REV1: variants seen among roughly 807,000 people sequenced by gnomAD.
The protein encoded by REV1 is REV1 DNA directed polymerase, also known as translesion synthesis protein REV1.
A neutral mutation model predicts 137.4 loss-of-function variants in REV1; 42 were observed. The observed-to-expected ratio is 0.31, with a 90% CI of 0.24 to 0.40. The LOEUF is 0.40. Ranked by LOEUF, REV1 falls within the 10% of genes least tolerant of loss-of-function variation. The pLI, the probability that REV1 is intolerant of heterozygous loss-of-function variation, is 1.00. For missense variants in REV1, 1,282 were observed against 1,490.1 expected (o/e 0.86, Z 2.30); for synonymous variants, 524 against 519.2 (o/e 1.01, Z -0.12).
At chr2:99,435,744 T>G in intron 7 of REV1, 90 bp downstream of exon 7, 1 of 673,238 alleles carries the variant, frequency 1.5e-6, no homozygotes, top group East Asian at 3.3e-5. Flanking sequence ...AGGAAAATCA[T>G]AATTTTTTAA....
At chr2:99,454,287 C>T (rs1399954273) in intron 3 of REV1, among the ~76,000 whole-genome samples, 1 of 152,016 alleles carries the variant, frequency 6.6e-6, no homozygotes, top group Admixed American at 6.6e-5. Flanking sequence ...CGGTGGGTCA[C>T]ACCTGTAATC....
At chr2:99,449,092 G>A (rs1682600150) in intron 4 of REV1, among the ~76,000 whole-genome samples, 1 of 152,020 alleles carries the variant, frequency 6.6e-6, no homozygotes, top group African/African-American at 2.4e-5. Context: ...TCGGCAACAT[G>A]GTGAAACCCA....
At chr2:99,457,992 T>C (rs1369947611) in intron 3 of REV1, among the ~76,000 whole-genome samples, 1 of 151,682 alleles carries the variant, frequency 6.6e-6, no homozygotes, top group Non-Finnish European at 1.5e-5. Flanking sequence ...ATGTAAAACA[T>C]AAAACTATAA....
At chr2:99,445,206 G>GT (rs1682045784) in intron 4 of REV1, among the ~76,000 whole-genome samples, 1 of 151,192 alleles carries the variant, frequency 6.6e-6, no homozygotes, top group South Asian at 2.1e-4. Context: ...ATTTAAATGA[G>GT]TTGCATAAGC....
intron 15 of REV1, chr2:99,406,907 T>C (rs963011903): frequency 6.5e-6 from 1 of 152,990 alleles, no homozygotes; most frequent in Non-Finnish European, 1.5e-5. Flanking sequence ...TTGGCGGGAG[T>C]GATGAACAGC....
At chr2:99,417,414 G>T (rs562684488) in intron 12 of REV1, among the ~76,000 whole-genome samples, 1 of 152,280 alleles carries the variant, frequency 6.6e-6, no homozygotes, top group Non-Finnish European at 1.5e-5. Flanking sequence ...ACAGTGCTGG[G>T]ATTACAGGTG....
chr2:99,471,889 TAAAAAAAAAAAAAA>T (rs947603744), intron 1 of REV1, among the ~76,000 whole-genome samples: 2 of 93,428 alleles, frequency 2.1e-5, no homozygotes, highest in African/African-American at 8.1e-5. Flanking sequence ...TAGCTACTAT[TAAAAAAAAAAAAAA>T]AAAAAAAACA....
intron 3 of REV1, among the ~76,000 whole-genome samples, chr2:99,454,004 G>A (rs1253241075): frequency 6.6e-6 from 1 of 151,606 alleles, no homozygotes; most frequent in Non-Finnish European, 1.5e-5. Context: ...CAGAGTGAGT[G>A]CTTTTCTCCT....
chr2:99,421,796 G>T, intron 10 of REV1, 143 bp from the exon 11 acceptor site: 1 of 828,232 alleles, frequency 1.2e-6, no homozygotes, highest in Non-Finnish European at 1.8e-6. Flanking sequence ...TACCATTTTA[G>T]TCACCCAACT....
intron 1 of REV1, among the ~76,000 whole-genome samples, chr2:99,483,679 G>A (rs1418254580): frequency 1.3e-5 from 2 of 152,048 alleles, no homozygotes; most frequent in African/African-American, 4.8e-5. Context: ...ACTTTAAATC[G>A]TAATTTTACA....
In REV1 at chr2:99,406,381, C is replaced by T. The variant is rs776285473; in HGVS notation, c.2558G>A (p.Arg853His). The change falls in exon 16 of 23, where the codon CGT becomes CAT. Residue 853 changes from arginine to histidine, a missense_variant. Around this residue, in one of 7 missense-constraint regions of REV1, gnomAD observed 372 missense variants for 482.3 expected, o/e 0.77. Transcript: ENST00000258428. ...SHFPSGSYSV[R>H]DVFQVQKAKK... Reference sequence around the variant, plus strand: ...AGCTTTCTGAACTTGGAAGACATCACGGACAGAGTATGACCCACTAGGAAA... The same window carrying T: ...AGCTTTCTGAACTTGGAAGACATCATGGACAGAGTATGACCCACTAGGAAA... 3.7e-6 allele frequency: 6 copies of T among 1,613,528 alleles called. No individual in the cohort carries two copies. Among genetic ancestry groups the T allele is most frequent in the African/African-American group, 2.7e-5 (2 of 74,882 alleles).
chr2:99,437,430 A>G (rs1201726753), intron 6 of REV1, among the ~76,000 whole-genome samples: 1 of 152,198 alleles, frequency 6.6e-6, no homozygotes, highest in Non-Finnish European at 1.5e-5. Flanking sequence ...AAGGATTTAG[A>G]TTCATGCTAA....
At chr2:99,406,230 A>T in intron 16 of REV1, 95 bp downstream of exon 16, 1 of 1,444,610 alleles carries the variant, frequency 6.9e-7, no homozygotes, top group Non-Finnish European at 9.3e-7. Context: ...TAAATTTTTA[A>T]AATCACATAA....
rs148834825 is a variant in REV1, at chr2:99,470,322, T to A, written c.-10-5337A>T. Reference sequence around the variant, plus strand: ...GAAATTCATTTTGAGTGGCTTTTAATCAGTCTTTATTAATACAGTCATATA... The same window carrying A: ...GAAATTCATTTTGAGTGGCTTTTAAACAGTCTTTATTAATACAGTCATATA... On this transcript the variant is annotated intron_variant, in intron 1 of 22. Coordinates refer to ENST00000258428, the MANE Select transcript of REV1 (RefSeq NM_016316.4). Among the ~76,000 whole-genome samples the A allele has an allele frequency of 2.1e-4, 32 of 152,292 alleles. 1 individual carries two copies. The East Asian group carries it at 6.2e-3, about 29-fold the overall frequency.
At chr2:99,429,733 C>A in intron 9 of REV1, 107 bp downstream of exon 9, 1 of 577,986 alleles carries the variant, frequency 1.7e-6, no homozygotes, top group Non-Finnish European at 2.6e-6. Flanking sequence ...CCTCATAACA[C>A]GTCTGTAACA....
intron 8 of REV1, among the ~76,000 whole-genome samples, chr2:99,431,340 A>AC (rs138970196): frequency 0.011 from 1,670 of 152,324 alleles, 9 homozygotes; most frequent in Middle Eastern, 0.024. Flanking sequence ...ATTACAAATT[A>AC]AAGACAGAAT....
At chr2:99,449,025 T>C (rs1350332677) in intron 4 of REV1, among the ~76,000 whole-genome samples, 2 of 152,216 alleles carry the variant, frequency 1.3e-5, no homozygotes, top group South Asian at 2.1e-4. Flanking sequence ...GCAGTGGTTG[T>C]AGTCCCAGCA....
At chr2:99,462,993 CAGG>C (rs1416162086) in intron 2 of REV1, among the ~76,000 whole-genome samples, 3 of 151,848 alleles carry the variant, frequency 2.0e-5, no homozygotes, top group Non-Finnish European at 4.4e-5. Flanking sequence ...GAGGCTGAGG[CAGG>C]AGAATTGCCT....
chr2:99,459,248 C>A (rs1380242491), intron 3 of REV1, among the ~76,000 whole-genome samples: 1 of 151,450 alleles, frequency 6.6e-6, no homozygotes. Flanking sequence ...TGGAAATGTT[C>A]TGTATATTAA....
Sources: gnomAD v4.1 joint callset for allele counts (sites outside exome capture counted in the v4.1 genomes callset) on GRCh38, gnomAD v4.1.1 for gene constraint, gnomAD v4.1.1 regional missense constraint, MANE v1.5 for transcripts, NCBI Gene and HGNC (gene_info 2026-07-23, HGNC 2026-07-21) for gene names.